The following TDRD3 variants were observed in gnomAD, a reference collection of about 807,000 sequenced individuals.
TDRD3 encodes tudor domain-containing protein 3.
A neutral mutation model predicts 86.7 loss-of-function variants in TDRD3; 45 were observed. That is an observed-to-expected ratio of 0.52 (90% CI 0.41 to 0.67). The LOEUF (loss-of-function observed/expected upper bound fraction) is 0.67. Among genes scored for constraint, TDRD3 ranks in the 30% least tolerant of loss-of-function variants. The pLI is 0.00. For missense variants in TDRD3, 814 were observed against 889.0 expected, an observed-to-expected ratio of 0.92 and a Z score of 1.07; for synonymous variants, 298 against 301.7, an observed-to-expected ratio of 0.99 and a Z score of 0.13.
chr13:60,416,404 A>G lies in TDRD3; in HGVS notation c.41+18999A>G, dbSNP rs369994319. ...GTTGAGCTGATATGGTCAACTACTAATTCCATTCTTAGTGCTATTTCCAAA... is the reference window on the plus strand; with the variant it reads ...GTTGAGCTGATATGGTCAACTACTAGTTCCATTCTTAGTGCTATTTCCAAA... On this transcript the variant is annotated intron_variant, in intron 1 of 13. Coordinates refer to ENST00000377881, the MANE Select transcript of TDRD3 (RefSeq NM_001146070.2). Among the ~76,000 whole-genome samples, 4 of 152,326 alleles carry G rather than the reference A, an allele frequency of 2.6e-5. No homozygotes were observed. The East Asian group carries it at 7.7e-4, about 29-fold the overall frequency.
intron 12 of TDRD3, among the ~76,000 whole-genome samples, chr13:60,565,041 C>CTTT (rs869194148): frequency 0.03 from 2,139 of 70,912 alleles, 353 homozygotes; most frequent in African/African-American, 0.065. Context: ...CTATCAGTAT[C>CTTT]TTTTTTTTTT....
intron 12 of TDRD3, among the ~76,000 whole-genome samples, chr13:60,565,143 C>T (rs993873139): frequency 1.4e-5 from 2 of 147,248 alleles, no homozygotes; most frequent in Non-Finnish European, 3.0e-5. Context: ...GCAAGCTTCG[C>T]CTCCCGGGTT....
chr13:60,478,726 C>G (rs1956248227), intron 5 of TDRD3, among the ~76,000 whole-genome samples: 1 of 151,246 alleles, frequency 6.6e-6, no homozygotes, highest in African/African-American at 2.4e-5. Flanking sequence ...TTCTTTTCTT[C>G]TGCTAGCTTC....
At position 60,432,890 on chromosome 13, in the gene TDRD3, C is replaced by CG. The variant is rs768775799; in HGVS notation, c.42-6793dup. On this transcript the variant is annotated intron_variant, in intron 1 of 13. Coordinates refer to ENST00000377881, the MANE Select transcript of TDRD3 (RefSeq NM_001146070.2). ...CATTTTGGTATTTGGATATCATGTG[C>CG]GGGGGCTAGTAACCTCAGTGTGGTA... 1.5e-3 allele frequency among the ~76,000 whole-genome samples: 226 copies of CG among 152,078 alleles called. 3 individuals are homozygous for CG. The highest frequency in any genetic ancestry group is 1.5e-3 in the Non-Finnish European group (104 of 67,982).
chr13:60,567,942 G>A (rs548648043), intron 13 of TDRD3, among the ~76,000 whole-genome samples: 67 of 141,514 alleles, frequency 4.7e-4, no homozygotes, highest in African/African-American at 8.2e-4. Flanking sequence ...TCACCATGTT[G>A]GCCAGGCTGG....
chr13:60,546,114 A>G (rs1957935953), intron 12 of TDRD3, among the ~76,000 whole-genome samples: 1 of 152,160 alleles, frequency 6.6e-6, no homozygotes, highest in Admixed American at 6.6e-5. Context: ...ATACATTGAC[A>G]TACCTGGTTG....
At chr13:60,401,334 T>C (rs1244637476) in intron 1 of TDRD3, among the ~76,000 whole-genome samples, 2 of 152,138 alleles carry the variant, frequency 1.3e-5, no homozygotes, top group African/African-American at 4.8e-5. Context: ...GTATTAGGTA[T>C]TTTAAGTAGT....
chr13:60,510,666 A>T lies in TDRD3; in HGVS notation c.1052A>T (p.Asp351Val), dbSNP rs1186355235. The change falls in exon 10 of 14, where the codon GAT (aspartate) becomes GTT (valine). Residue 351 changes from aspartate to valine, a missense_variant. Transcript: ENST00000377881. ...GGCAGGGGGCGAATAAGATCTGAAGATGAAGAGGACCTGGGAAATGCAAGG... is the reference window on the plus strand; with the variant it reads ...GGCAGGGGGCGAATAAGATCTGAAGTTGAAGAGGACCTGGGAAATGCAAGG... ...GKGRGRIRSE[D>V]EEDLGNARPS... is the part of the protein sequence containing the mutation. 1.9e-6 allele frequency: 3 copies of T among 1,605,428 alleles called. No homozygotes were observed. The highest frequency in any genetic ancestry group is 2.6e-6 in the Non-Finnish European group (3 of 1,175,830).
chr13:60,515,102 A>G (rs1317362995), intron 10 of TDRD3, among the ~76,000 whole-genome samples: 1 of 152,250 alleles, frequency 6.6e-6, no homozygotes, highest in Non-Finnish European at 1.5e-5. Flanking sequence ...TTCATCATTT[A>G]CTTAATGTAA....
chr13:60,570,481 A>G (rs1287200380), intron 13 of TDRD3, among the ~76,000 whole-genome samples: 1 of 152,264 alleles, frequency 6.6e-6, no homozygotes, highest in Admixed American at 6.5e-5. Context: ...TAGCACAGCT[A>G]CTATGGAGAA....
chr13:60,426,830 C>G (rs1300100218), intron 1 of TDRD3, among the ~76,000 whole-genome samples: 2 of 152,186 alleles, frequency 1.3e-5, no homozygotes, highest in Non-Finnish European at 2.9e-5. Context: ...TCTCAAGCAA[C>G]TTTGTCACTG....
chr13:60,566,510 A>T (rs543266224), intron 12 of TDRD3, among the ~76,000 whole-genome samples: 40 of 152,310 alleles, frequency 2.6e-4, no homozygotes, highest in South Asian at 6.2e-4. Context: ...AGATTCAAAG[A>T]TAAAGTAAGG....
intron 12 of TDRD3, among the ~76,000 whole-genome samples, chr13:60,545,581 A>T (rs1307144697): frequency 3.3e-5 from 5 of 152,110 alleles, no homozygotes; most frequent in African/African-American, 9.6e-5. Flanking sequence ...ATGACTTAGG[A>T]CACTAGTGAC....
intron 1 of TDRD3, among the ~76,000 whole-genome samples, chr13:60,407,911 A>G (rs1259849104): frequency 6.6e-6 from 1 of 152,202 alleles, no homozygotes; most frequent in East Asian, 1.9e-4. Context: ...AGGTAATTGA[A>G]TCATGGGGGT....
At chr13:60,485,024 G>A (rs1263371453) in intron 6 of TDRD3, among the ~76,000 whole-genome samples, 10 of 151,990 alleles carry the variant, frequency 6.6e-5, no homozygotes, top group Admixed American at 1.3e-4. Flanking sequence ...AAAAATTCTT[G>A]TATAGCATCT....
intron 12 of TDRD3, 132 bp from the exon 13 acceptor site, chr13:60,567,393 G>T: frequency 8.8e-7 from 1 of 1,137,788 alleles, no homozygotes; most frequent in Non-Finnish European, 1.3e-6. Context: ...TCCCTCTGTT[G>T]TAAAAGTTGA....
At chr13:60,401,157 G>GTA (rs1175407062) in intron 1 of TDRD3, among the ~76,000 whole-genome samples, 52 of 152,056 alleles carry the variant, frequency 3.4e-4, no homozygotes, top group African/African-American at 1.2e-3. Flanking sequence ...ATTTTTTAAG[G>GTA]TTTAAGAATA....
intron 1 of TDRD3, among the ~76,000 whole-genome samples, chr13:60,421,586 G>A (rs1433704081): frequency 6.6e-6 from 1 of 152,208 alleles, no homozygotes; most frequent in Non-Finnish European, 1.5e-5. Context: ...TGGCAGTGTA[G>A]TAAATAACTT....
intron 12 of TDRD3, among the ~76,000 whole-genome samples, chr13:60,543,183 T>A (rs932610562): frequency 9.9e-5 from 15 of 152,176 alleles, no homozygotes; most frequent in African/African-American, 3.6e-4. Flanking sequence ...TCATATAGTT[T>A]AATAAGAGTA....
Sources: gnomAD v4.1 joint callset for allele counts (sites outside exome capture counted in the v4.1 genomes callset) on GRCh38, gnomAD v4.1.1 for gene constraint, MANE v1.5 for transcripts, NCBI Gene and HGNC (gene_info 2026-07-23, HGNC 2026-07-21) for gene names.